Variants in ERI3 observed in about 807,000 individuals in gnomAD.
ERI3 encodes ERI1 exoribonuclease family member 3.
A neutral mutation model predicts 44.4 loss-of-function variants in ERI3; 18 were observed. That is an observed-to-expected ratio of 0.41 (90% CI 0.28 to 0.60). The LOEUF (loss-of-function observed/expected upper bound fraction) is 0.60. Among genes scored for constraint, ERI3 ranks in the 20% least tolerant of loss-of-function variants. ERI3 has a pLI of 0.36. For synonymous variants in ERI3, 183 were observed against 164.8 expected, an observed-to-expected ratio of 1.11 and a Z score of -0.84; for missense variants, 294 against 435.5, an observed-to-expected ratio of 0.68 and a Z score of 2.89.
intron 6 of ERI3, among the ~76,000 whole-genome samples, chr1:44,300,840 G>A (rs1445023855): frequency 3.3e-5 from 5 of 152,182 alleles, no homozygotes; most frequent in African/African-American, 1.2e-4. Flanking sequence ...AGCCCAAGGA[G>A]CTGTCAGGCT....
chr1:44,307,853 C>T (rs325144), intron 6 of ERI3, among the ~76,000 whole-genome samples: 150,991 of 152,318 alleles, frequency 0.99, 74,848 homozygotes, highest in Middle Eastern at 1. Context: ...TGTGTGTCCT[C>T]TGGTAAATTA....
intron 6 of ERI3, among the ~76,000 whole-genome samples, chr1:44,294,498 A>G (rs1013819487): frequency 2.0e-5 from 3 of 152,182 alleles, no homozygotes; most frequent in Admixed American, 6.5e-5. Context: ...TGTAACTTGT[A>G]TCTCCCCAGC....
chr1:44,255,436 G>A (rs895735937), intron 7 of ERI3, among the ~76,000 whole-genome samples: 11 of 152,106 alleles, frequency 7.2e-5, no homozygotes, highest in African/African-American at 2.4e-4. Flanking sequence ...AGTCTCCTCT[G>A]CATTTGGTCA....
chr1:44,304,454 A>G (rs965402848), intron 6 of ERI3, among the ~76,000 whole-genome samples: 1 of 152,176 alleles, frequency 6.6e-6, no homozygotes, highest in African/African-American at 2.4e-5. Flanking sequence ...AGAAAACATA[A>G]CAAAAGTACA....
chr1:44,312,899 A>C (rs1230020986), intron 5 of ERI3, among the ~76,000 whole-genome samples: 6 of 152,232 alleles, frequency 3.9e-5, no homozygotes, highest in Non-Finnish European at 8.8e-5. Flanking sequence ...GTCAGCCAGC[A>C]TAGGGCCATA....
intron 4 of ERI3, among the ~76,000 whole-genome samples, chr1:44,317,402 G>C (rs1227372079): frequency 6.6e-6 from 1 of 152,182 alleles, no homozygotes; most frequent in Non-Finnish European, 1.5e-5. Flanking sequence ...ATCTGGTATG[G>C]AGACAGGGCA....
At chr1:44,234,428 C>T (rs1037618600) in intron 8 of ERI3, among the ~76,000 whole-genome samples, 1 of 151,818 alleles carries the variant, frequency 6.6e-6, no homozygotes, top group Non-Finnish European at 1.5e-5. Context: ...CTTTGGGAGG[C>T]TGAGGTGGGC....
intron 6 of ERI3, among the ~76,000 whole-genome samples, chr1:44,302,466 C>T (rs547955798): frequency 4.9e-4 from 75 of 152,296 alleles, no homozygotes; most frequent in East Asian, 3.9e-4. Context: ...CAAGGGGCAA[C>T]GGTGCGATGC....
In ERI3 at chr1:44,339,340, TAAAAAAAAAAAAAAAAAAGAAAAGAAAG is replaced by T; in HGVS notation, c.212-46_212-19del. 3 of 975,756 alleles carry T rather than the reference TAAAAAAAAAAAAAAAAAAGAAAAGAAAG, an allele frequency of 3.1e-6. No homozygotes were observed. Among genetic ancestry groups the T allele is most frequent in the Non-Finnish European group, 3.9e-6 (3 of 776,042 alleles). 60.4% of individuals were successfully genotyped at this position (975,756 alleles called of 1,614,324 possible). On this transcript the variant is annotated intron_variant, in intron 2 of 8. Coordinates refer to ENST00000372257, the MANE Select transcript of ERI3 (RefSeq NM_024066.3). ...ATCTAAAACTTAGGGGAGGAAAGTT[TAAAAAAAAAAAAAAAAAAGAAAAGAAAG>T]AAAAAAAAAAAAAGAACAGAGAGCC...
In ERI3 at chr1:44,247,903, G is replaced by A. The variant is rs938397602; in HGVS notation, c.931+36C>T. The stretch of plus-strand genomic sequence containing the variant: ...TGGGGCACGCGGGCAAGGGACGATG[G>A]ATGGAGCTGCCGGGGGAATATGCGA... On this transcript the variant is annotated intron_variant, in intron 8 of 8. Coordinates refer to ENST00000372257, the MANE Select transcript of ERI3 (RefSeq NM_024066.3). The A allele has an allele frequency of 5.8e-6, 9 of 1,562,514 alleles. No homozygotes were observed. In the East Asian group the frequency reaches 1.2e-4, roughly 20 times the overall value.
chr1:44,282,478 A>G (rs900905002), intron 7 of ERI3, among the ~76,000 whole-genome samples: 5 of 152,202 alleles, frequency 3.3e-5, no homozygotes, highest in Non-Finnish European at 7.3e-5. Flanking sequence ...TATTCCTGCA[A>G]CCTTGGCAAT....
At chr1:44,310,494 A>C (rs1194554997) in intron 5 of ERI3, among the ~76,000 whole-genome samples, 1 of 152,202 alleles carries the variant, frequency 6.6e-6, no homozygotes, top group Non-Finnish European at 1.5e-5. Flanking sequence ...TGAGTAGGTA[A>C]AAGTTTAGGA....
intron 7 of ERI3, among the ~76,000 whole-genome samples, chr1:44,279,594 A>G (rs1252099375): frequency 1.3e-5 from 2 of 152,052 alleles, no homozygotes; most frequent in Non-Finnish European, 2.9e-5. Context: ...CTGCCTCCTC[A>G]ATGTCTCAAA....
intron 5 of ERI3, among the ~76,000 whole-genome samples, chr1:44,309,138 GTTTA>G (rs763739800): frequency 2.6e-5 from 4 of 152,194 alleles, no homozygotes; most frequent in Non-Finnish European, 5.9e-5. Context: ...CCTTTGATCA[GTTTA>G]TTTGTGTTCA....
intron 7 of ERI3, among the ~76,000 whole-genome samples, chr1:44,274,352 T>C (rs369493): frequency 0.7 from 106,649 of 152,154 alleles, 38,358 homozygotes; most frequent in African/African-American, 0.87. Flanking sequence ...GCCGATGCAG[T>C]GAGACATTTT....
chr1:44,271,638 TTAAG>T (rs1645089608), intron 7 of ERI3, among the ~76,000 whole-genome samples: 1 of 152,172 alleles, frequency 6.6e-6, no homozygotes, highest in East Asian at 1.9e-4. Flanking sequence ...TGTTTGAGGA[TTAAG>T]TGAGTTAATT....
At position 44,330,102 on chromosome 1, in the gene ERI3, TC is replaced by T. The variant is rs1285697642; in HGVS notation, c.489+8942del. 2.6e-5 allele frequency among the ~76,000 whole-genome samples: 4 copies of T among 152,230 alleles called. No homozygotes were observed. The East Asian group carries it at 7.7e-4, about 29-fold the overall frequency. ...CCTCTTGGAACAACTTCCTTTCCAT[TC>T]CCATGGACTCTGGCTTATAACATCT... is the stretch of plus-strand genomic sequence containing the variant. On this transcript the variant is annotated intron_variant, in intron 3 of 8. Coordinates refer to ENST00000372257, the MANE Select transcript of ERI3 (RefSeq NM_024066.3).
chr1:44,294,116 GT>G (rs1179392721), intron 6 of ERI3, among the ~76,000 whole-genome samples: 2 of 152,206 alleles, frequency 1.3e-5, no homozygotes, highest in Non-Finnish European at 2.9e-5. Context: ...TTTCCTCTTG[GT>G]TTCCCTATAG....
chr1:44,353,961 C>G (rs1398691018), intron 1 of ERI3: 1 of 985,266 alleles, frequency 1.0e-6, no homozygotes, highest in East Asian at 1.1e-4. Flanking sequence ...TGGAGTCACA[C>G]TCCAAGTCCC....
Sources: allele counts gnomAD v4.1 joint callset (sites outside exome capture counted in the v4.1 genomes callset), GRCh38; gene constraint gnomAD v4.1.1; transcripts MANE v1.5; gene names NCBI Gene and HGNC (gene_info 2026-07-23, HGNC 2026-07-21).